Variants in JAKMIP2 observed in about 807,000 individuals in gnomAD.
The protein encoded by JAKMIP2 is janus kinase and microtubule interacting protein 2.
In JAKMIP2, 25 loss-of-function variants were observed where a neutral mutation model predicts 115.0. That is an observed-to-expected ratio of 0.22 (90% CI 0.16 to 0.30). JAKMIP2 has a LOEUF of 0.30. Among genes scored for constraint, JAKMIP2 ranks in the 10% least tolerant of loss-of-function variants. JAKMIP2 has a pLI of 1.00. For missense variants in JAKMIP2, 642 were observed against 957.6 expected (o/e 0.67, Z 4.35); for synonymous variants, 334 against 343.6 (o/e 0.97, Z 0.31).
intron 3 of JAKMIP2, among the ~76,000 whole-genome samples, chr5:147,660,109 T>C (rs542989277): frequency 1.3e-5 from 2 of 152,326 alleles, no homozygotes; most frequent in Admixed American, 6.5e-5. Context: ...ATGTAACAGA[T>C]GCTAAACATC....
intron 21 of JAKMIP2, among the ~76,000 whole-genome samples, chr5:147,598,345 C>T (rs545182404): frequency 1.0e-3 from 157 of 152,226 alleles, no homozygotes; most frequent in African/African-American, 3.3e-3. Context: ...GGTTCTCCAG[C>T]GTGCAGATGG....
chr5:147,675,783 A>ATTTTT (rs1245892919), intron 1 of JAKMIP2, among the ~76,000 whole-genome samples: 14 of 99,218 alleles, frequency 1.4e-4, no homozygotes, highest in East Asian at 5.9e-4. Context: ...ATCATATGAC[A>ATTTTT]TTTTTTTTTT....
chr5:147,713,557 C>T (rs533952782), intron 1 of JAKMIP2, among the ~76,000 whole-genome samples: 18 of 152,146 alleles, frequency 1.2e-4, no homozygotes, highest in Admixed American at 4.6e-4. Flanking sequence ...TCTGGACAAT[C>T]GCCAACCAAT....
At position 147,590,860 on chromosome 5, in the gene JAKMIP2, G is replaced by A. The variant is rs191269634; in HGVS notation, c.*847C>T. ...ATATGAATGAGATCAGTCCATTGTT[G>A]ATAGAGGAATGCAGATGTGAGAGTA... is the stretch of plus-strand genomic sequence containing the variant. On this transcript the variant is annotated 3_prime_UTR_variant, in exon 22 of 22. Transcript: ENST00000616793. 6.6e-6 allele frequency: 1 copy of A among 152,260 alleles called. No individual in the cohort carries two copies. Among genetic ancestry groups the A allele is most frequent in the African/African-American group, 2.4e-5 (1 of 41,568 alleles). 9.4% of individuals were successfully genotyped at this position (152,260 alleles called of 1,614,324 possible).
chr5:147,780,046 A>G (rs1343160206), intron 1 of JAKMIP2, among the ~76,000 whole-genome samples: 1 of 152,176 alleles, frequency 6.6e-6, no homozygotes, highest in Non-Finnish European at 1.5e-5. Context: ...CCCCATGCTT[A>G]GCTTATCTGA....
At position 147,678,002 on chromosome 5, in the gene JAKMIP2, C is replaced by CT. The variant is rs375125491; in HGVS notation, c.-148-6049dup. Among the ~76,000 whole-genome samples, 1,111 of 151,834 alleles carry CT rather than the reference C, an allele frequency of 7.3e-3. 13 individuals carry two copies. The highest frequency in any genetic ancestry group is 0.025 in the African/African-American group (1,054 of 41,436). On this transcript the variant is annotated intron_variant, in intron 1 of 21. Coordinates refer to ENST00000616793, the MANE Select transcript of JAKMIP2 (RefSeq NM_001270941.2). ...TCTTCCCTCCCCACCTGCTCCTCAC[C>CT]TTTTTTTTGTTCGTTTGTTTGAGAC...
chr5:147,706,935 G>A (rs895547839), intron 1 of JAKMIP2, among the ~76,000 whole-genome samples: 2 of 152,166 alleles, frequency 1.3e-5, no homozygotes, highest in Non-Finnish European at 2.9e-5. Flanking sequence ...ATGACAGTCA[G>A]TAAAGAATTG....
chr5:147,624,147 A>G (rs958712207), intron 16 of JAKMIP2, among the ~76,000 whole-genome samples: 4 of 152,048 alleles, frequency 2.6e-5, no homozygotes, highest in Non-Finnish European at 4.4e-5. Flanking sequence ...TTTTTATCTC[A>G]TAGTTCAGAA....
chr5:147,599,163 C>T (rs1207000757), intron 21 of JAKMIP2, among the ~76,000 whole-genome samples: 2 of 152,104 alleles, frequency 1.3e-5, no homozygotes, highest in South Asian at 2.1e-4. Context: ...AATGTGGTAG[C>T]TAATTTTTAA....
intron 20 of JAKMIP2, among the ~76,000 whole-genome samples, chr5:147,609,533 C>T (rs1016541449): frequency 6.6e-6 from 1 of 152,172 alleles, no homozygotes; most frequent in Non-Finnish European, 1.5e-5. Context: ...AGGGTTTCTG[C>T]TGAGAGATCC....
At chr5:147,671,261 G>T (rs568844463) in intron 2 of JAKMIP2, among the ~76,000 whole-genome samples, 1 of 152,300 alleles carries the variant, frequency 6.6e-6, no homozygotes, top group African/African-American at 2.4e-5. Flanking sequence ...GCCCTTGGAA[G>T]GTATTGGGCA....
At chr5:147,634,922 T>C (rs1199054957) in intron 12 of JAKMIP2, among the ~76,000 whole-genome samples, 2 of 152,178 alleles carry the variant, frequency 1.3e-5, no homozygotes, top group Non-Finnish European at 2.9e-5. Flanking sequence ...TCTAAAATAA[T>C]TTCTGCATAA....
intron 12 of JAKMIP2, 132 bp downstream of exon 12, chr5:147,636,090 C>T (rs531553816): frequency 5.9e-5 from 40 of 675,856 alleles, no homozygotes; most frequent in South Asian, 5.7e-4. Flanking sequence ...AGCACGCAGC[C>T]GAGGACAGAG....
intron 10 of JAKMIP2, among the ~76,000 whole-genome samples, chr5:147,638,917 A>G (rs541304215): frequency 6.6e-6 from 1 of 152,322 alleles, no homozygotes; most frequent in South Asian, 2.1e-4. Flanking sequence ...TTTTAGGATT[A>G]TATAGATAAT....
intron 1 of JAKMIP2, among the ~76,000 whole-genome samples, chr5:147,758,330 A>T (rs1240915826): frequency 6.6e-6 from 1 of 152,214 alleles, no homozygotes; most frequent in Non-Finnish European, 1.5e-5. Flanking sequence ...AATGCAAATG[A>T]AGGCTAATTT....
At chr5:147,682,721 A>G (rs1760353183) in intron 1 of JAKMIP2, among the ~76,000 whole-genome samples, 1 of 152,214 alleles carries the variant, frequency 6.6e-6, no homozygotes. Flanking sequence ...TTATTATGGG[A>G]AATTTCTTTT....
chr5:147,764,938 G>GAAAGAAAGAAA lies in JAKMIP2; in HGVS notation c.-149+17517_-149+17518insTTTCTTTCTTT, dbSNP rs1561582448. 4.3e-5 allele frequency among the ~76,000 whole-genome samples: 4 copies of GAAAGAAAGAAA among 93,942 alleles called. No individual in the cohort carries two copies. In the East Asian group the frequency reaches 1.5e-3, roughly 36 times the overall value. The allele number at this position is 93,942 out of a possible 152,430, so 61.6% of individuals were successfully genotyped here. On this transcript the variant is annotated intron_variant, in intron 1 of 21. Transcript: ENST00000616793. ...AGAAAGAAAGAGAGAGAGAGAGAGA[G>GAAAGAAAGAAA]AGAGAGAGGGAGAGAGAGAGAGAGA...
chr5:147,678,218 G>C (rs1286196465), intron 1 of JAKMIP2, among the ~76,000 whole-genome samples: 1 of 152,110 alleles, frequency 6.6e-6, no homozygotes, highest in Non-Finnish European at 1.5e-5. Flanking sequence ...TGTTCAGGCT[G>C]GTCTCGAACT....
At chr5:147,765,070 GGAAA>G (rs1191317888) in intron 1 of JAKMIP2, among the ~76,000 whole-genome samples, 9 of 125,778 alleles carry the variant, frequency 7.2e-5, no homozygotes, top group Middle Eastern at 4.3e-3. Context: ...AAGGAAGGAA[GGAAA>G]GAAAGAAAGA....
Sources: gnomAD v4.1 joint callset for allele counts (sites outside exome capture counted in the v4.1 genomes callset) on GRCh38, gnomAD v4.1.1 for gene constraint, MANE v1.5 for transcripts, NCBI Gene and HGNC (gene_info 2026-07-23, HGNC 2026-07-21) for gene names.